The following RAB11FIP5 variants were observed in gnomAD, a reference collection of about 807,000 sequenced individuals.
RAB11FIP5 encodes RAB11 family interacting protein 5.
A neutral mutation model predicts 85.1 loss-of-function variants in RAB11FIP5; 48 were observed. The observed-to-expected ratio is 0.56, with a 90% CI of 0.45 to 0.72. The LOEUF is 0.72. RAB11FIP5 is among the 30% of genes least tolerant of loss of function. RAB11FIP5 has a pLI of 0.00. For synonymous variants in RAB11FIP5, 729 were observed against 727.3 expected (o/e 1.00, Z -0.04); for missense variants, 1,491 against 1,687.0 (o/e 0.88, Z 2.04).
rs1279756826 is a variant in RAB11FIP5 at position 73,080,466 on chromosome 2, T to C, written c.2766A>G (p.Ala922=). Residue 922 remains alanine, a synonymous_variant, in exon 4 of 6, where the codon GCA becomes GCG. Transcript: ENST00000486777. The stretch of plus-strand genomic sequence containing the variant: ...CCGGCCCCCTGTTACTCAGCCCCAC[T>C]GCGGCCTTCTCCTCCTCCTCCTCCT... ...RSQEEEEEKA[A]VGLSNRGPET... is the part of the protein sequence containing the mutation. 8.1e-7 allele frequency: 1 copy of C among 1,233,732 alleles called. No individual in the cohort carries two copies. Among genetic ancestry groups the C allele is most frequent in the Non-Finnish European group, 1.0e-6 (1 of 988,848 alleles). The allele number at this position is 1,233,732 out of a possible 1,614,324, so 76.4% of individuals were successfully genotyped here. A position where few individuals can be genotyped will look rare whatever the true frequency, so the allele number is the denominator to read the frequency against.
In RAB11FIP5 at chr2:73,088,206, C is replaced by T. The variant is rs1684128608; in HGVS notation, c.1412G>A (p.Gly471Asp). 6.2e-7 allele frequency: 1 copy of T among 1,613,960 alleles called. No homozygotes were observed. The highest frequency in any genetic ancestry group is 8.5e-7 in the Non-Finnish European group (1 of 1,180,036). ...GCGACCCAACTCGCTCCGACTTAGG[C>T]CTTGGTGGTGGTGGTGGAAGAGACC... ...RMGLFHHHHQ[G>D]LSRSELGRRS... is the part of the protein sequence containing the mutation. Residue 471 changes from glycine (G) to aspartate (D), a missense_variant, in exon 3 of 6, where the codon GGC becomes GAC. Coordinates refer to ENST00000486777, the MANE Select transcript of RAB11FIP5 (RefSeq NM_001371272.1).
rs562320794 is a variant in RAB11FIP5 at position 73,093,050 on chromosome 2, G to C, written c.432-3735C>G. Reference sequence around the variant, plus strand: ...GACCAGACAGCCCCACAGACCTGTCGGGCACCATGGAGGTCCACTGGAGAA... The same window carrying C: ...GACCAGACAGCCCCACAGACCTGTCCGGCACCATGGAGGTCCACTGGAGAA... On this transcript the variant is annotated intron_variant, in intron 1 of 5. Coordinates refer to ENST00000486777, the MANE Select transcript of RAB11FIP5 (RefSeq NM_001371272.1). 2.8e-3 allele frequency among the ~76,000 whole-genome samples: 426 copies of C among 152,250 alleles called. 2 individuals carry two copies. Among genetic ancestry groups the C allele is most frequent in the African/African-American group, 9.7e-3 (405 of 41,544 alleles).
chr2:73,099,597 C>T (rs1298091723), intron 1 of RAB11FIP5, among the ~76,000 whole-genome samples: 1 of 152,256 alleles, frequency 6.6e-6, no homozygotes, highest in Non-Finnish European at 1.5e-5. Flanking sequence ...GCCGAAGGCC[C>T]TCAGATTCCC....
rs1683943923 is a variant in RAB11FIP5, at chr2:73,080,151, G to A, written c.3081C>T (p.Gly1027=). ...GGCCCTGGGCCTCAGGAGCCTCAGG[G>A]CCTTCTCCAACCTCTGGAGTCCCCC... ...HIWGTPEVGE[G]PEAPEAQGQD... The change falls in exon 4 of 6, where the codon GGC becomes GGT. Residue 1027 remains glycine (G), a synonymous_variant. Transcript: ENST00000486777. 2.4e-6 allele frequency: 3 copies of A among 1,232,052 alleles called. No homozygotes were observed. The South Asian group carries it at 1.2e-4, about 51-fold the overall frequency. 76.3% of individuals were successfully genotyped at this position (1,232,052 alleles called of 1,614,324 possible).
In RAB11FIP5 at chr2:73,112,640, C is replaced by T. The variant is rs1271813263; in HGVS notation, c.138G>A (p.Thr46=). The T allele has an allele frequency of 6.2e-6, 10 of 1,600,712 alleles. No homozygotes were observed. In the Admixed American group the frequency reaches 1.2e-4, roughly 19 times the overall value. ...SGAGSTSDAY[T]VIQVGREKYS... is the part of the protein sequence containing the mutation. Reference sequence around the variant, plus strand: ...ACTTCTCGCGGCCCACCTGGATCACCGTGTACGCGTCGCTGGTGCTGCCCG... The same window carrying T: ...ACTTCTCGCGGCCCACCTGGATCACTGTGTACGCGTCGCTGGTGCTGCCCG... Residue 46 remains threonine (T), a synonymous_variant, in exon 1 of 6, where the codon ACG becomes ACA. Coordinates refer to ENST00000486777, the MANE Select transcript of RAB11FIP5 (RefSeq NM_001371272.1).
In RAB11FIP5 at chr2:73,074,738, C is replaced by G. The variant is rs985534350; in HGVS notation, c.*783G>C. On this transcript the variant is annotated 3_prime_UTR_variant, in exon 6 of 6. Coordinates refer to ENST00000486777, the MANE Select transcript of RAB11FIP5 (RefSeq NM_001371272.1). ...ATCATAAGCAGTCCCAAGCCCCAGC[C>G]TGGAGGGACCTACACATTGGAGGTG... The G allele has an allele frequency of 6.0e-6, 1 of 168,014 alleles. No individual in the cohort carries two copies. Among genetic ancestry groups the G allele is most frequent in the African/African-American group, 2.4e-5 (1 of 41,826 alleles). The allele number at this position is 168,014 out of a possible 1,614,324, so 10.4% of individuals were successfully genotyped here.
intron 3 of RAB11FIP5, among the ~76,000 whole-genome samples, chr2:73,084,747 G>A (rs1216701081): frequency 6.6e-6 from 1 of 152,194 alleles, no homozygotes; most frequent in Non-Finnish European, 1.5e-5. Context: ...CTGTGTCCTT[G>A]TTATTTCCAC....
chr2:73,100,426 T>A (rs1387655891), intron 1 of RAB11FIP5, among the ~76,000 whole-genome samples: 1 of 62,006 alleles, frequency 1.6e-5, no homozygotes. Flanking sequence ...TTGGTTGTGG[T>A]TTTTTTTTTT....
rs1020770612 is a variant in RAB11FIP5 at position 73,078,779 on chromosome 2, G to A, written c.3581+872C>T. ...TCCCTTCACTCGGTCCTCCTAGAGC[G>A]CTATCGTCCCAGAGGGACTTGCTGC... On this transcript the variant is annotated intron_variant, in intron 4 of 5. Transcript: ENST00000486777. This position sits in a 1 kb window ranked among gnomAD's most constrained non-coding sequence, Gnocchi z 4.4. Among the ~76,000 whole-genome samples the A allele has an allele frequency of 5.9e-5, 9 of 152,254 alleles. No homozygotes were observed. In the South Asian group the frequency reaches 6.2e-4, roughly 11 times the overall value.
intron 1 of RAB11FIP5, among the ~76,000 whole-genome samples, chr2:73,090,842 C>T (rs1237795881): frequency 6.6e-6 from 1 of 152,198 alleles, no homozygotes; most frequent in African/African-American, 2.4e-5. Flanking sequence ...TATACACCCA[C>T]AGAATGCACA....
chr2:73,085,721 C>T (rs142071491), intron 3 of RAB11FIP5, among the ~76,000 whole-genome samples: 1 of 152,286 alleles, frequency 6.6e-6, no homozygotes, highest in African/African-American at 2.4e-5. Context: ...TTTGTTCCTT[C>T]CCCACGGCAG....
chr2:73,073,712 C>A lies in RAB11FIP5; in HGVS notation c.*1809G>T, dbSNP rs1434345112. The stretch of plus-strand genomic sequence containing the variant: ...CCTCTCTCAGAAAAGATACTTACTT[C>A]TCTAATACCCAATGACCCCCAAAAG... On this transcript the variant is annotated 3_prime_UTR_variant, in exon 6 of 6. Transcript: ENST00000486777. The A allele has an allele frequency of 6.6e-6, 1 of 152,252 alleles. No individual in the cohort carries two copies. Among genetic ancestry groups the A allele is most frequent in the Non-Finnish European group, 1.5e-5 (1 of 68,068 alleles). 9.4% of individuals were successfully genotyped at this position (152,252 alleles called of 1,614,324 possible).
chr2:73,105,682 A>C (rs1413228562), intron 1 of RAB11FIP5, among the ~76,000 whole-genome samples: 1 of 152,102 alleles, frequency 6.6e-6, no homozygotes, highest in East Asian at 1.9e-4. Flanking sequence ...GGACTCACCC[A>C]GGAGAAGCAG....
Position 73,089,587 on chromosome 2 carries a change from C to T in RAB11FIP5, c.432-272G>A. On this transcript the variant is annotated intron_variant, in intron 1 of 5. Transcript: ENST00000486777. The surrounding 1 kb of genome is among the most constrained non-coding windows in gnomAD (Gnocchi z 4.6). ...GTAGGGCGGCGGTTACCACACCATG[C>T]CTCCTCCCACCCCAGGACCTTCTCC... 1 of 518,940 alleles carries T rather than the reference C, an allele frequency of 1.9e-6. No individual in the cohort carries two copies. Among genetic ancestry groups the T allele is most frequent in the South Asian group, 2.0e-5 (1 of 50,594 alleles). 32.1% of individuals were successfully genotyped at this position (518,940 alleles called of 1,614,324 possible).
rs1317769250 is a variant in RAB11FIP5, at chr2:73,075,345, C to G, written c.*176G>C. The G allele has an allele frequency of 1.4e-6, 1 of 737,192 alleles. No individual in the cohort carries two copies. The allele number at this position is 737,192 out of a possible 1,614,324, so 45.7% of individuals were successfully genotyped here. On this transcript the variant is annotated 3_prime_UTR_variant, in exon 6 of 6. Transcript: ENST00000486777. This position sits in a 1 kb window ranked among gnomAD's most constrained non-coding sequence, Gnocchi z 4.6. ...AAGTTGTGCACAGAACCTGATGCCT[C>G]CAAAGGGAATCCAGAGGGCCCCCTT...
In RAB11FIP5 at chr2:73,080,480, C is replaced by T; in HGVS notation, c.2752G>A (p.Glu918Lys). 8.1e-7 allele frequency: 1 copy of T among 1,233,626 alleles called. No homozygotes were observed. The highest frequency in any genetic ancestry group is 4.1e-5 in the South Asian group (1 of 24,340). 76.4% of individuals were successfully genotyped at this position (1,233,626 alleles called of 1,614,324 possible). A position where few individuals can be genotyped will look rare whatever the true frequency, so the allele number is the denominator to read the frequency against. Residue 918 changes from glutamate to lysine, a missense_variant, in exon 4 of 6, where the codon GAG (glutamate) becomes AAG (lysine). Around this residue, in one of 3 missense-constraint regions of RAB11FIP5, gnomAD observed 1,211 missense variants for 1,338.0 expected, o/e 0.91. Transcript: ENST00000486777. The stretch of plus-strand genomic sequence containing the variant: ...CTCAGCCCCACTGCGGCCTTCTCCT[C>T]CTCCTCCTCCTGGGATCTTGAGGGT... ...FTPSRSQEEE[E>K]EKAAVGLSNR...
At chr2:73,084,978 G>A (rs1314669230) in intron 3 of RAB11FIP5, among the ~76,000 whole-genome samples, 3 of 152,222 alleles carry the variant, frequency 2.0e-5, no homozygotes, top group South Asian at 2.1e-4. Context: ...GGCACAATGA[G>A]GTGACAGGGG....
chr2:73,083,590 T>C (rs1684041082), intron 3 of RAB11FIP5, among the ~76,000 whole-genome samples: 1 of 152,158 alleles, frequency 6.6e-6, no homozygotes, highest in Non-Finnish European at 1.5e-5. Context: ...CCTGCTTCTA[T>C]GGACATGGTG....
intron 1 of RAB11FIP5, among the ~76,000 whole-genome samples, chr2:73,111,910 C>T (rs1310377399): frequency 2.6e-5 from 4 of 152,286 alleles, no homozygotes; most frequent in Admixed American, 2.0e-4. Context: ...GGCTTTCCTT[C>T]CCCCGTAGGG....
Sources: allele counts gnomAD v4.1 joint callset (sites outside exome capture counted in the v4.1 genomes callset), GRCh38; gene constraint gnomAD v4.1.1; regional missense constraint gnomAD v4.1.1; non-coding constraint Gnocchi (gnomAD v3.1); transcripts MANE v1.5; gene names NCBI Gene and HGNC (gene_info 2026-07-23, HGNC 2026-07-21).